The following ZNF362 variants were observed in gnomAD, a reference collection of about 807,000 sequenced individuals.
ZNF362 encodes the protein rotund homolog.
A neutral mutation model predicts 42.9 loss-of-function variants in ZNF362; 11 were observed. The ratio of observed to expected loss-of-function variants is 0.26; its 90% CI spans 0.16 to 0.42. The LOEUF (loss-of-function observed/expected upper bound fraction) is 0.42. Ranked by LOEUF, ZNF362 falls within the 20% of genes least tolerant of loss-of-function variation. The pLI, the probability that ZNF362 is intolerant of heterozygous loss-of-function variation, is 1.00. For missense variants in ZNF362, 362 were observed against 576.2 expected (o/e 0.63, Z 3.81); for synonymous variants, 255 against 257.3 (o/e 0.99, Z 0.09).
At chr1:33,149,301 C>T in the ZNF362 span, among the ~76,000 whole-genome samples, 4 of 152,078 alleles carry the variant, frequency 2.6e-5, no homozygotes, top group East Asian at 5.8e-4. Flanking sequence ...TATAGGCACG[C>T]GCCACCACGC....
the ZNF362 span, among the ~76,000 whole-genome samples, chr1:33,135,096 G>A: frequency 3.1e-4 from 47 of 152,124 alleles, no homozygotes; most frequent in Admixed American, 9.8e-4. Flanking sequence ...GACCAGCCTG[G>A]CCAACATGGT....
chr1:33,161,188 C>T, the ZNF362 span, among the ~76,000 whole-genome samples: 1 of 152,240 alleles, frequency 6.6e-6, no homozygotes, highest in Non-Finnish European at 1.5e-5. This position sits in a 1 kb window ranked among gnomAD's most constrained non-coding sequence, Gnocchi z 4.3. Context: ...TTATTGAAGA[C>T]TGCAATTCTA....
chr1:33,207,792 G>A, the ZNF362 span, among the ~76,000 whole-genome samples: 5 of 152,016 alleles, frequency 3.3e-5, no homozygotes, highest in South Asian at 8.3e-4. Flanking sequence ...TTTTTGATGG[G>A]GTTGTTTTTT....
chr1:33,255,050 G>A (rs1645778103), upstream of ZNF362, among the ~76,000 whole-genome samples: 1 of 152,136 alleles, frequency 6.6e-6, no homozygotes, highest in African/African-American at 2.4e-5. Context: ...CTCCCGCCAT[G>A]CTTTAACATT....
At chr1:33,174,968 T>TAC in the ZNF362 span, among the ~76,000 whole-genome samples, 11 of 124,950 alleles carry the variant, frequency 8.8e-5, no homozygotes, top group South Asian at 4.8e-4. Flanking sequence ...TATATATATA[T>TAC]ACACACATAT....
chr1:33,130,971 T>C, the ZNF362 span, among the ~76,000 whole-genome samples: 2 of 152,080 alleles, frequency 1.3e-5, no homozygotes, highest in African/African-American at 2.4e-5. Context: ...ATGCCAGTGT[T>C]TGGTAATGTG....
the ZNF362 span, among the ~76,000 whole-genome samples, chr1:33,223,893 CA>C: frequency 0.28 from 23,494 of 85,258 alleles, 1,879 homozygotes; most frequent in South Asian, 0.37. Flanking sequence ...AACTCCATCT[CA>C]AAAAAAAAAA....
At chr1:33,249,804 A>C in the ZNF362 span, among the ~76,000 whole-genome samples, 1 of 152,186 alleles carries the variant, frequency 6.6e-6, no homozygotes, top group Non-Finnish European at 1.5e-5. Flanking sequence ...CAGGTCCCTG[A>C]AGAACAGGCA....
intron 6 of ZNF362, among the ~76,000 whole-genome samples, chr1:33,285,714 C>T (rs566449943): frequency 8.5e-5 from 13 of 152,258 alleles, no homozygotes; most frequent in Middle Eastern, 3.4e-3. Flanking sequence ...AACTTTCTTA[C>T]GCTACAAACT....
At chr1:33,247,091 G>A in the ZNF362 span, among the ~76,000 whole-genome samples, 1 of 152,176 alleles carries the variant, frequency 6.6e-6, no homozygotes, top group African/African-American at 2.4e-5. Context: ...ACAAAAAGCA[G>A]AGGTCTCAGG....
chr1:33,260,046 G>T (rs928042115), intron 1 of ZNF362, among the ~76,000 whole-genome samples: 4 of 152,128 alleles, frequency 2.6e-5, no homozygotes, highest in African/African-American at 9.7e-5. Flanking sequence ...CAGGCATGTG[G>T]TGGGAGCTCA....
At chr1:33,207,056 T>A in the ZNF362 span, among the ~76,000 whole-genome samples, 4 of 152,136 alleles carry the variant, frequency 2.6e-5, no homozygotes, top group Admixed American at 6.6e-5. Context: ...ACCCATCAAC[T>A]CATCATTTAC....
the ZNF362 span, among the ~76,000 whole-genome samples, chr1:33,175,001 GTATGTA>G: frequency 6.0e-4 from 81 of 135,668 alleles, no homozygotes; most frequent in East Asian, 4.0e-3. Context: ...ACACACACAT[GTATGTA>G]TATGTATATG....
intron 6 of ZNF362, among the ~76,000 whole-genome samples, chr1:33,289,366 G>C (rs1646058906): frequency 6.6e-6 from 1 of 152,140 alleles, no homozygotes; most frequent in South Asian, 2.1e-4. Context: ...TGGAAAAAGA[G>C]GGAGACCATG....
the ZNF362 span, among the ~76,000 whole-genome samples, chr1:33,191,956 CAT>C: frequency 6.6e-6 from 1 of 152,206 alleles, no homozygotes; most frequent in African/African-American, 2.4e-5. Context: ...GAGGCCTCTG[CAT>C]AGTTTCCAGG....
the ZNF362 span, chr1:33,142,950 A>G: frequency 6.6e-6 from 1 of 152,150 alleles, no homozygotes; most frequent in Non-Finnish European, 1.5e-5. Context: ...ATAAGGTGTA[A>G]AAAGGACCAG....
chr1:33,142,507 C>G, the ZNF362 span: 20 of 152,386 alleles, frequency 1.3e-4, no homozygotes, highest in East Asian at 3.7e-3. Context: ...AATTAATCAA[C>G]TAGAATAGAT....
chr1:33,256,222 G>A (rs1394618244), upstream of ZNF362, among the ~76,000 whole-genome samples: 1 of 142,554 alleles, frequency 7.0e-6, no homozygotes, highest in African/African-American at 2.5e-5. Flanking sequence ...AGGCCCCGGG[G>A]CCCGAGTGGG....
chr1:33,179,812 A>G, the ZNF362 span, among the ~76,000 whole-genome samples: 1 of 152,230 alleles, frequency 6.6e-6, no homozygotes, highest in South Asian at 2.1e-4. Context: ...GGCCCAAGTA[A>G]GCTTGGGAAC....
Sources: allele counts gnomAD v4.1 joint callset (sites outside exome capture counted in the v4.1 genomes callset), GRCh38; gene constraint gnomAD v4.1.1; non-coding constraint Gnocchi (gnomAD v3.1); transcripts MANE v1.5; gene names NCBI Gene and HGNC (gene_info 2026-07-23, HGNC 2026-07-21).